The following GRIA3 variants were observed in gnomAD, a reference collection of about 807,000 sequenced individuals.
GRIA3 encodes glutamate receptor 3.
Under a neutral mutation model 63.0 loss-of-function variants are expected in GRIA3, and 3 were observed. The observed-to-expected ratio is 0.05, with a 90% CI of 0.02 to 0.12. The LOEUF (loss-of-function observed/expected upper bound fraction) is 0.12, where lower values mean the gene tolerates loss of function less well. Among genes scored for constraint, GRIA3 ranks in the 10% least tolerant of loss-of-function variants. The pLI is 1.00. For synonymous variants in GRIA3, 274 were observed against 257.9 expected (o/e 1.06, Z -0.60); for missense variants, 347 against 700.9 (o/e 0.50, Z 5.70).
At chrX:123,267,047 T>C (rs1221981934) in intron 3 of GRIA3, among the ~76,000 whole-genome samples, 1 of 111,913 alleles carries the variant, frequency 8.9e-6, no homozygotes, top group Non-Finnish European at 1.9e-5. Flanking sequence ...TATGTTTAAC[T>C]CCCTCACAAT....
chrX:123,185,056 A>G, intron 1 of GRIA3: 1 of 325,890 alleles, frequency 3.1e-6, no homozygotes, highest in Non-Finnish European at 6.0e-6. Flanking sequence ...TGGCCGCGCC[A>G]GGGCGCATAA....
At chrX:123,391,600 G>A (rs2045387159) in intron 5 of GRIA3, among the ~76,000 whole-genome samples, 1 of 111,774 alleles carries the variant, frequency 8.9e-6, no homozygotes, top group Admixed American at 9.5e-5. Context: ...ACCAGTGTTA[G>A]TGGGTCTAGT....
At chrX:123,206,612 G>A (rs958197522) in intron 2 of GRIA3, among the ~76,000 whole-genome samples, 20 of 101,269 alleles carry the variant, frequency 2.0e-4, no homozygotes, top group African/African-American at 3.3e-4. Flanking sequence ...TACCCATATT[G>A]TGTGTGGCTT....
intron 2 of GRIA3, among the ~76,000 whole-genome samples, chrX:123,217,078 G>A (rs988054751): frequency 3.6e-5 from 4 of 111,608 alleles, no homozygotes; most frequent in African/African-American, 1.3e-4. Flanking sequence ...CTGTCCCCCC[G>A]GTAGTGTTCA....
chrX:123,448,010 A>G (rs2045711829), intron 12 of GRIA3, among the ~76,000 whole-genome samples: 1 of 112,317 alleles, frequency 8.9e-6, no homozygotes, highest in South Asian at 3.7e-4. Context: ...AACTTAATGT[A>G]GCAACTCACA....
rs1386485959 is a variant in GRIA3, at chrX:123,235,750, G to A, written c.269-17553G>A. 5.5e-5 allele frequency among the ~76,000 whole-genome samples: 6 copies of A among 109,972 alleles called. No homozygotes were observed. The South Asian group carries it at 1.2e-3, about 22-fold the overall frequency. On this transcript the variant is annotated intron_variant, in intron 2 of 15. Coordinates refer to ENST00000620443, the MANE Select transcript of GRIA3 (RefSeq NM_007325.5). ...GAGAAAATATTAATCATGCACACAA[G>A]AATTTTGACTTGGAAATCTCAGAAC...
chrX:123,349,460 A>T (rs1302073179), intron 4 of GRIA3, among the ~76,000 whole-genome samples: 1 of 112,821 alleles, frequency 8.9e-6, no homozygotes, highest in Non-Finnish European at 1.9e-5. Flanking sequence ...TCTTTGGTGA[A>T]ATCCTTGTTC....
chrX:123,413,125 T>G (rs188951819), intron 10 of GRIA3, among the ~76,000 whole-genome samples: 111 of 111,349 alleles, frequency 1.0e-3, no homozygotes, highest in African/African-American at 3.4e-3. Context: ...CCACGTCTTG[T>G]TAGTATTTAG....
At chrX:123,347,102 G>C (rs1431920814) in intron 4 of GRIA3, among the ~76,000 whole-genome samples, 2 of 112,094 alleles carry the variant, frequency 1.8e-5, no homozygotes, top group African/African-American at 6.5e-5. Flanking sequence ...GCTTTCAAGA[G>C]CCCCCTGTAT....
chrX:123,245,832 A>T lies in GRIA3; in HGVS notation c.269-7471A>T, dbSNP rs779424014. Among the ~76,000 whole-genome samples, 4 of 111,915 alleles carry T rather than the reference A, an allele frequency of 3.6e-5. No individual in the cohort carries two copies. In the South Asian group the frequency reaches 1.5e-3, roughly 42 times the overall value. ...CCATCATTAGTAATAGTGATAAAGG[A>T]GTTAGAATGATAGTTGATGGAGGTG... On this transcript the variant is annotated intron_variant, in intron 2 of 15. Coordinates refer to ENST00000620443, the MANE Select transcript of GRIA3 (RefSeq NM_007325.5).
chrX:123,268,621 T>TA (rs2044502232), intron 3 of GRIA3, among the ~76,000 whole-genome samples: 1 of 110,840 alleles, frequency 9.0e-6, no homozygotes, highest in Non-Finnish European at 1.9e-5. Flanking sequence ...TAGTAGCATT[T>TA]AAAAAATGAC....
chrX:123,310,626 G>C (rs965018005), intron 3 of GRIA3, among the ~76,000 whole-genome samples: 1 of 112,904 alleles, frequency 8.9e-6, no homozygotes, highest in African/African-American at 3.2e-5. Context: ...GAAATCTTTA[G>C]AAATATATTT....
chrX:123,227,154 A>G (rs1441775107), intron 2 of GRIA3, among the ~76,000 whole-genome samples: 1 of 111,472 alleles, frequency 9.0e-6, no homozygotes, highest in Non-Finnish European at 1.9e-5. Context: ...ACTGCATTTT[A>G]TAATATTTTA....
chrX:123,412,384 AT>A (rs1334054404), intron 10 of GRIA3, among the ~76,000 whole-genome samples: 1 of 112,236 alleles, frequency 8.9e-6, no homozygotes, highest in African/African-American at 3.2e-5. Flanking sequence ...TCAGGGGTAC[AT>A]GTGCAGGTTT....
intron 12 of GRIA3, among the ~76,000 whole-genome samples, chrX:123,432,165 T>C (rs1228402365): frequency 2.7e-5 from 3 of 112,014 alleles, no homozygotes; most frequent in African/African-American, 9.7e-5. Flanking sequence ...TGATGTGACA[T>C]AAGCCATGTA....
chrX:123,362,160 T>C (rs1051979439), intron 5 of GRIA3, among the ~76,000 whole-genome samples: 2 of 111,742 alleles, frequency 1.8e-5, no homozygotes, highest in Non-Finnish European at 1.9e-5. Context: ...CCACTGTATG[T>C]CCAACAACTT....
At chrX:123,392,598 G>A (rs934651657) in intron 5 of GRIA3, among the ~76,000 whole-genome samples, 1 of 111,696 alleles carries the variant, frequency 9.0e-6, no homozygotes, top group Non-Finnish European at 1.9e-5. Context: ...ACTGCTAGGG[G>A]TCTCTCACTT....
chrX:123,185,522 TA>T (rs1171768492), intron 1 of GRIA3, among the ~76,000 whole-genome samples: 3 of 101,492 alleles, frequency 3.0e-5, no homozygotes, highest in Admixed American at 1.1e-4. Context: ...GGGGGGCGAC[TA>T]AAAAAAAAGA....
At chrX:123,474,645 T>A (rs1309108288) in intron 13 of GRIA3, among the ~76,000 whole-genome samples, 1 of 111,227 alleles carries the variant, frequency 9.0e-6, no homozygotes, top group Non-Finnish European at 1.9e-5. Flanking sequence ...ATCATGCCAC[T>A]GCACTCCAGC....
Sources: allele counts gnomAD v4.1 joint callset (sites outside exome capture counted in the v4.1 genomes callset), GRCh38; gene constraint gnomAD v4.1.1; transcripts MANE v1.5; gene names NCBI Gene and HGNC (gene_info 2026-07-23, HGNC 2026-07-21).